The following RIT2 variants were observed in gnomAD, a reference collection of about 807,000 sequenced individuals.
The protein encoded by RIT2 is Ras like without CAAX 2.
A neutral mutation model predicts 23.7 loss-of-function variants in RIT2; 24 were observed. That is an observed-to-expected ratio of 1.01 (90% CI 0.73 to 1.43). The LOEUF is 1.43. Among genes scored for constraint, RIT2 ranks in the 40% most tolerant of loss-of-function variants. The probability of loss-of-function intolerance (pLI) is 0.00; values close to 1 mark genes in which losing one functional copy is unlikely to be tolerated. For missense variants in RIT2, 236 were observed against 266.9 expected, an observed-to-expected ratio of 0.88 and a Z score of 0.81; for synonymous variants, 107 against 91.1, an observed-to-expected ratio of 1.17 and a Z score of -0.99.
intron 4 of RIT2, among the ~76,000 whole-genome samples, chr18:42,847,276 T>A (rs1042730478): frequency 7.2e-5 from 11 of 152,076 alleles, no homozygotes; most frequent in African/African-American, 2.7e-4. Context: ...AATAAAGAAC[T>A]AAAGAGAAAC....
chr18:42,953,732 T>A (rs1024323447), intron 3 of RIT2, among the ~76,000 whole-genome samples: 3 of 152,228 alleles, frequency 2.0e-5, no homozygotes, highest in African/African-American at 7.2e-5. Flanking sequence ...TCAAATTTAG[T>A]TGTGATGCCC....
chr18:42,817,052 A>G (rs970180933), intron 4 of RIT2, among the ~76,000 whole-genome samples: 1 of 152,214 alleles, frequency 6.6e-6, no homozygotes. Context: ...TTCAAAGAGC[A>G]AAGATTTAGA....
chr18:42,801,763 C>A (rs1453672661), intron 4 of RIT2, among the ~76,000 whole-genome samples: 1 of 152,170 alleles, frequency 6.6e-6, no homozygotes, highest in African/African-American at 2.4e-5. Flanking sequence ...CTTTCATACC[C>A]ATCTCCTGAG....
intron 4 of RIT2, among the ~76,000 whole-genome samples, chr18:42,874,960 C>A (rs377388264): frequency 1.4e-4 from 21 of 152,202 alleles, no homozygotes; most frequent in African/African-American, 4.8e-4. Flanking sequence ...TAATCATGCA[C>A]AGGCAGCATG....
intron 4 of RIT2, among the ~76,000 whole-genome samples, chr18:42,862,004 G>A (rs1907340604): frequency 6.6e-6 from 1 of 152,140 alleles, no homozygotes; most frequent in Non-Finnish European, 1.5e-5. Context: ...ATTTAAGCAT[G>A]ACAGAGGAGA....
At chr18:42,852,782 TC>T (rs1389590466) in intron 4 of RIT2, among the ~76,000 whole-genome samples, 5 of 110,994 alleles carry the variant, frequency 4.5e-5, no homozygotes, top group African/African-American at 1.7e-4. Flanking sequence ...CCTCCCTCTC[TC>T]CCTCCCTCCC....
At position 43,108,347 on chromosome 18, in the gene RIT2, CGTGTGT is replaced by C. The variant is rs138256652; in HGVS notation, c.103+7064_103+7069del. Among the ~76,000 whole-genome samples, 69 of 149,300 alleles carry C rather than the reference CGTGTGT, an allele frequency of 4.6e-4. 1 individual carries two copies. Among genetic ancestry groups the C allele is most frequent in the Admixed American group, 1.7e-3 (26 of 14,984 alleles). On this transcript the variant is annotated intron_variant, in intron 1 of 4. Coordinates refer to ENST00000326695, the MANE Select transcript of RIT2 (RefSeq NM_002930.4). ...TATCTATGTGCCTTGGGCCATATTA[CGTGTGT>C]GTGTGTGTGTGTGTGTGTACCTCAG... is the stretch of plus-strand genomic sequence containing the variant.
chr18:42,999,037 T>C (rs1212856980), intron 2 of RIT2, among the ~76,000 whole-genome samples: 2 of 152,052 alleles, frequency 1.3e-5, no homozygotes, highest in South Asian at 2.1e-4. Context: ...AGGCTTTTTA[T>C]AACTAAAGAA....
intron 1 of RIT2, among the ~76,000 whole-genome samples, chr18:43,050,982 A>T (rs1014075389): frequency 6.6e-6 from 1 of 152,056 alleles, no homozygotes; most frequent in Non-Finnish European, 1.5e-5. Flanking sequence ...ACCCCAGCAA[A>T]TTAATCCAAC....
intron 1 of RIT2, among the ~76,000 whole-genome samples, chr18:43,086,137 T>C (rs1230250027): frequency 6.6e-6 from 1 of 152,192 alleles, no homozygotes; most frequent in Non-Finnish European, 1.5e-5. Context: ...ATTTGCATTA[T>C]TCTTGGCTCA....
intron 2 of RIT2, among the ~76,000 whole-genome samples, chr18:42,994,705 T>A (rs926168094): frequency 6.6e-6 from 1 of 152,160 alleles, no homozygotes; most frequent in African/African-American, 2.4e-5. Context: ...AACTTGACCT[T>A]ACTGTTTTAG....
intron 2 of RIT2, among the ~76,000 whole-genome samples, chr18:42,982,245 C>T (rs1910614452): frequency 6.6e-6 from 1 of 152,060 alleles, no homozygotes; most frequent in Admixed American, 6.6e-5. Flanking sequence ...TTCTGAAGTC[C>T]AGCGCAGCAG....
intron 4 of RIT2, among the ~76,000 whole-genome samples, chr18:42,767,794 G>A (rs190383966): frequency 1.1e-3 from 164 of 152,178 alleles, no homozygotes; most frequent in East Asian, 2.9e-3. Flanking sequence ...AGTCTTTCCC[G>A]TGCTATTCTT....
At chr18:42,866,843 C>T (rs1907484670) in intron 4 of RIT2, among the ~76,000 whole-genome samples, 2 of 152,046 alleles carry the variant, frequency 1.3e-5, no homozygotes, top group Non-Finnish European at 2.9e-5. Context: ...CTTTAGACAG[C>T]TCAAAAAGTC....
At chr18:43,050,016 A>G (rs190729381) in intron 1 of RIT2, among the ~76,000 whole-genome samples, 5 of 99,494 alleles carry the variant, frequency 5.0e-5, no homozygotes, top group Non-Finnish European at 6.0e-5. Flanking sequence ...AACGAGACAT[A>G]CTCAGAATTG....
intron 4 of RIT2, among the ~76,000 whole-genome samples, chr18:42,790,845 T>C (rs1468470850): frequency 1.3e-5 from 2 of 152,224 alleles, no homozygotes; most frequent in Middle Eastern, 3.2e-3. Context: ...AAATTTATGC[T>C]CAAAGAAGCT....
chr18:42,981,862 A>C (rs1249890906), intron 2 of RIT2, among the ~76,000 whole-genome samples: 1 of 152,186 alleles, frequency 6.6e-6, no homozygotes, highest in Non-Finnish European at 1.5e-5. Context: ...ATGAGAAGAT[A>C]AACTATATTC....
chr18:42,882,091 T>C (rs1048288586), intron 4 of RIT2, among the ~76,000 whole-genome samples: 1 of 152,232 alleles, frequency 6.6e-6, no homozygotes, highest in Non-Finnish European at 1.5e-5. Context: ...GGGCTCTTGC[T>C]TTCCATTTGA....
intron 4 of RIT2, among the ~76,000 whole-genome samples, chr18:42,910,374 C>T (rs754813963): frequency 1.3e-5 from 2 of 152,046 alleles, no homozygotes; most frequent in African/African-American, 2.4e-5. Flanking sequence ...ATTATTGATA[C>T]GGACAGCAGG....
Sources: gnomAD v4.1 joint callset for allele counts (sites outside exome capture counted in the v4.1 genomes callset) on GRCh38, gnomAD v4.1.1 for gene constraint, MANE v1.5 for transcripts, NCBI Gene and HGNC (gene_info 2026-07-23, HGNC 2026-07-21) for gene names.